The following PDE1C variants were observed in gnomAD, a reference collection of about 807,000 sequenced individuals.
PDE1C encodes dual specificity calcium/calmodulin-dependent 3',5'-cyclic nucleotide phosphodiesterase 1C.
A neutral mutation model predicts 93.1 loss-of-function variants in PDE1C; 62 were observed. That is an observed-to-expected ratio of 0.67 (90% confidence interval 0.54 to 0.82). The LOEUF (loss-of-function observed/expected upper bound fraction) is 0.82. PDE1C is among the 40% of genes least tolerant of loss of function. The pLI, the probability that PDE1C is intolerant of heterozygous loss-of-function variation, is 0.00. For synonymous variants in PDE1C, 325 were observed against 310.1 expected (o/e 1.05, Z -0.50); for missense variants, 742 against 884.6 (o/e 0.84, Z 2.04).
chr7:31,628,945 AAAAC>A, the PDE1C span, among the ~76,000 whole-genome samples: 1 of 152,218 alleles, frequency 6.6e-6, no homozygotes, highest in Non-Finnish European at 1.5e-5. Flanking sequence ...GGAAAAAACA[AAAAC>A]AAAAAAACAT....
intron 3 of PDE1C, among the ~76,000 whole-genome samples, chr7:32,162,015 C>A (rs905689752): frequency 6.6e-6 from 1 of 152,106 alleles, no homozygotes; most frequent in Admixed American, 6.5e-5. Context: ...GAGACAAGCC[C>A]ACTGGCTAGG....
intron 2 of PDE1C, among the ~76,000 whole-genome samples, chr7:32,191,774 G>C (rs1804250883): frequency 1.3e-5 from 2 of 152,116 alleles, no homozygotes; most frequent in African/African-American, 4.8e-5. Flanking sequence ...TGTATGTTTA[G>C]CTTTTTAAGA....
chr7:32,002,388 T>C (rs1363502043), intron 2 of PDE1C, among the ~76,000 whole-genome samples: 1 of 152,154 alleles, frequency 6.6e-6, no homozygotes, highest in Non-Finnish European at 1.5e-5. Context: ...GCTGACAAGA[T>C]ATCACCTAGT....
At chr7:31,816,243 T>C in intron 14 of PDE1C, 89 bp from the exon 15 acceptor site, 2 of 1,194,322 alleles carry the variant, frequency 1.7e-6, no homozygotes, top group South Asian at 2.8e-5. Flanking sequence ...ACACAAAGAG[T>C]ATCTAAGGTG....
intron 1 of PDE1C, among the ~76,000 whole-genome samples, chr7:32,310,796 A>G (rs1339882041): frequency 2.0e-5 from 3 of 152,100 alleles, no homozygotes; most frequent in East Asian, 1.9e-4. Flanking sequence ...CACAAGAGAA[A>G]GCAGGAAAGA....
At chr7:31,718,404 G>A in the PDE1C span, among the ~76,000 whole-genome samples, 1 of 152,086 alleles carries the variant, frequency 6.6e-6, no homozygotes, top group African/African-American at 2.4e-5. Flanking sequence ...AGACAAGAAT[G>A]GAAACCACAG....
chr7:32,092,851 C>T (rs184205868), intron 3 of PDE1C, among the ~76,000 whole-genome samples: 3 of 151,700 alleles, frequency 2.0e-5, no homozygotes, highest in Admixed American at 2.0e-4. Context: ...ATCTACACAA[C>T]TTGTAGTTGT....
chr7:32,176,387 A>G (rs923294276), intron 2 of PDE1C, among the ~76,000 whole-genome samples: 22 of 152,220 alleles, frequency 1.4e-4, no homozygotes, highest in African/African-American at 5.3e-4. Flanking sequence ...GACAAAGAAG[A>G]CAGGACCAGA....
chr7:32,346,345 C>G (rs1017629916), intron 1 of PDE1C, among the ~76,000 whole-genome samples: 1 of 152,244 alleles, frequency 6.6e-6, no homozygotes, highest in Non-Finnish European at 1.5e-5. Flanking sequence ...TGGGGGGTCT[C>G]CTGTCCACTT....
chr7:31,812,567 T>C (rs1233157896), intron 15 of PDE1C, among the ~76,000 whole-genome samples: 3 of 152,146 alleles, frequency 2.0e-5, no homozygotes, highest in Admixed American at 6.5e-5. Context: ...TTATGACATA[T>C]GATATTATGT....
chr7:32,288,347 A>C (rs2128895784), intron 1 of PDE1C, among the ~76,000 whole-genome samples: 1 of 152,350 alleles, frequency 6.6e-6, no homozygotes, highest in South Asian at 2.1e-4. Context: ...TATCATCAGC[A>C]ACATGGGGGC....
intron 3 of PDE1C, among the ~76,000 whole-genome samples, chr7:32,083,195 G>A (rs188281270): frequency 0.18 from 26,828 of 151,940 alleles, 2,876 homozygotes; most frequent in East Asian, 0.34. Context: ...TGAGAACTAC[G>A]TGAAGAATGC....
the PDE1C span, among the ~76,000 whole-genome samples, chr7:31,716,955 A>C: frequency 1.3e-5 from 2 of 152,212 alleles, no homozygotes; most frequent in African/African-American, 4.8e-5. Context: ...GAATTTGTCG[A>C]GAGGAAGCAA....
At chr7:31,705,507 A>G in the PDE1C span, among the ~76,000 whole-genome samples, 2 of 152,260 alleles carry the variant, frequency 1.3e-5, no homozygotes, top group Non-Finnish European at 2.9e-5. Flanking sequence ...CAAAAGCTGT[A>G]GTTTCAGCCA....
rs1282566759 is a variant in PDE1C at position 31,878,023 on chromosome 7, T to C, written c.439A>G (p.Thr147Ala). ...TAGCTCAGTCCAACCATGTTTGATG[T>C]CCGTCTATACATTCTGAAAAGCCAA... ...GIFVERMYRR[T>A]SNMVGLSYPP... The change falls in exon 5 of 18, where the codon ACA becomes GCA. Residue 147 changes from threonine to alanine, a missense_variant. By Grantham distance (58) the Thr-to-Ala change is moderately conservative (BLOSUM62 0). Coordinates refer to ENST00000396191, the MANE Select transcript of PDE1C (RefSeq NM_001191057.4). 6.2e-7 allele frequency: 1 copy of C among 1,612,480 alleles called. No homozygotes were observed. The highest frequency in any genetic ancestry group is 8.5e-7 in the Non-Finnish European group (1 of 1,179,018).
At chr7:32,403,107 C>A (rs1389673046) in intron 1 of PDE1C, among the ~76,000 whole-genome samples, 6 of 152,176 alleles carry the variant, frequency 3.9e-5, no homozygotes, top group Non-Finnish European at 8.8e-5. Flanking sequence ...CTGCTTCTAG[C>A]CTGACTCCAT....
At chr7:31,632,454 A>G in the PDE1C span, among the ~76,000 whole-genome samples, 6 of 152,140 alleles carry the variant, frequency 3.9e-5, no homozygotes, top group Admixed American at 3.9e-4. Flanking sequence ...CTCAAAAAAT[A>G]AATAAATAAA....
the PDE1C span, among the ~76,000 whole-genome samples, chr7:31,687,836 A>G: frequency 6.6e-6 from 1 of 152,236 alleles, no homozygotes; most frequent in Non-Finnish European, 1.5e-5. Flanking sequence ...GGCTGTGGAT[A>G]CAACCTTCTA....
At chr7:31,968,561 T>C (rs1810401677) in intron 2 of PDE1C, among the ~76,000 whole-genome samples, 1 of 151,622 alleles carries the variant, frequency 6.6e-6, no homozygotes, top group Admixed American at 6.6e-5. Flanking sequence ...TTCAATGCCA[T>C]CCCCATCAAG....
Sources: gnomAD v4.1 joint callset for allele counts (sites outside exome capture counted in the v4.1 genomes callset) on GRCh38, gnomAD v4.1.1 for gene constraint, MANE v1.5 for transcripts, NCBI Gene and HGNC (gene_info 2026-07-23, HGNC 2026-07-21) for gene names.